SLIT2: variants seen among roughly 807,000 people sequenced by gnomAD.
The protein encoded by SLIT2 is slit guidance ligand 2, also known as slit homolog 2 protein.
Under a neutral mutation model 185.7 loss-of-function variants are expected in SLIT2, and 41 were observed. The ratio of observed to expected loss-of-function variants is 0.22; its 90% CI spans 0.17 to 0.29. SLIT2 has a LOEUF of 0.29. Among genes scored for constraint, SLIT2 ranks in the 10% least tolerant of loss-of-function variants. The pLI is 1.00. For synonymous variants in SLIT2, 693 were observed against 680.2 expected (o/e 1.02, Z -0.29); for missense variants, 1,571 against 1,909.0 (o/e 0.82, Z 3.30).
At chr4:20,519,009 A>G (rs1720572629) in intron 11 of SLIT2, among the ~76,000 whole-genome samples, 1 of 152,068 alleles carries the variant, frequency 6.6e-6, no homozygotes, top group Non-Finnish European at 1.5e-5. Context: ...ACTCTTCTAT[A>G]CTTGATTCTA....
Position 20,253,724 on chromosome 4 carries a change from G to C in SLIT2, c.-92G>C. On this transcript the variant is annotated 5_prime_UTR_variant, in exon 1 of 37. Transcript: ENST00000504154. ...GGCACTCTGGGTTGCTAGCCCCGCC[G>C]GGCACTGGGCCTCAGACACTGCGCG... The C allele has an allele frequency of 1.4e-6, 2 of 1,469,884 alleles. No individual in the cohort carries two copies. The highest frequency in any genetic ancestry group is 2.4e-4 in the Middle Eastern group (1 of 4,106). 91.1% of individuals were successfully genotyped at this position (1,469,884 alleles called of 1,614,324 possible).
chr4:20,309,932 TG>T (rs1717935611), intron 4 of SLIT2, among the ~76,000 whole-genome samples: 5 of 152,034 alleles, frequency 3.3e-5, no homozygotes, highest in Admixed American at 2.6e-4. Flanking sequence ...GCTAATTTTT[TG>T]TATTTTTTTA....
At chr4:20,589,772 G>A (rs765127814) in intron 30 of SLIT2, 35 bp downstream of exon 30, 3 of 1,499,750 alleles carry the variant, frequency 2.0e-6, no homozygotes, top group Non-Finnish European at 2.8e-6. Flanking sequence ...TCACAGTCAG[G>A]GTAGGGGACC....
At chr4:20,614,728 G>A (rs1421377558) in intron 34 of SLIT2, 1 of 151,510 alleles carries the variant, frequency 6.6e-6, no homozygotes, top group Non-Finnish European at 1.5e-5. Context: ...AGTGAGCCAA[G>A]GCTGCGTTCA....
intron 9 of SLIT2, among the ~76,000 whole-genome samples, chr4:20,503,552 G>A (rs1000897204): frequency 2.0e-5 from 2 of 97,764 alleles, no homozygotes; most frequent in Non-Finnish European, 4.5e-5. Context: ...TGGGCCATGT[G>A]CCTAAGCCCA....
At chr4:20,269,189 A>G (rs1713343544) in intron 4 of SLIT2, among the ~76,000 whole-genome samples, 1 of 151,856 alleles carries the variant, frequency 6.6e-6, no homozygotes, top group Non-Finnish European at 1.5e-5. Flanking sequence ...TTCTGAAGGG[A>G]GAAAATTGCT....
intron 4 of SLIT2, among the ~76,000 whole-genome samples, chr4:20,286,885 C>G (rs745747586): frequency 6.6e-6 from 1 of 152,138 alleles, no homozygotes; most frequent in Non-Finnish European, 1.5e-5. Flanking sequence ...TTTAATAAAA[C>G]ATTTTTCCAC....
At chr4:20,519,530 A>T in intron 12 of SLIT2, 77 bp downstream of exon 12, 8 of 845,820 alleles carry the variant, frequency 9.5e-6, no homozygotes, top group East Asian at 2.5e-5. Flanking sequence ...ATTTTTATGG[A>T]GGCCTTGGAA....
chr4:20,288,030 A>G (rs568255014), intron 4 of SLIT2, among the ~76,000 whole-genome samples: 41 of 152,102 alleles, frequency 2.7e-4, no homozygotes, highest in Non-Finnish European at 5.1e-4. Context: ...TGATTTTTAA[A>G]CAGCCTATAT....
At chr4:20,541,308 A>C (rs376106885) in intron 19 of SLIT2, 145 bp from the exon 20 acceptor site, 4 of 659,602 alleles carry the variant, frequency 6.1e-6, no homozygotes. Flanking sequence ...ACTGCATGTG[A>C]TTCTGAGTAA....
At chr4:20,402,166 G>A (rs1032162410) in intron 4 of SLIT2, among the ~76,000 whole-genome samples, 7 of 151,672 alleles carry the variant, frequency 4.6e-5, no homozygotes, top group East Asian at 1.9e-4. Context: ...GCATGAATAC[G>A]TACCATGCTA....
intron 11 of SLIT2, 121 bp from the exon 12 acceptor site, chr4:20,519,261 A>G (rs1334060161): frequency 9.1e-6 from 6 of 657,220 alleles, no homozygotes; most frequent in East Asian, 2.7e-5. Flanking sequence ...TTACTCAGCT[A>G]TAACTTTTAT....
At chr4:20,472,547 T>G (rs56193445) in intron 5 of SLIT2, among the ~76,000 whole-genome samples, 103 of 8,070 alleles carry the variant, frequency 0.013, no homozygotes, top group South Asian at 0.023. Flanking sequence ...TATCTATATC[T>G]ATATATAGAT....
intron 4 of SLIT2, among the ~76,000 whole-genome samples, chr4:20,270,974 ATAAT>A (rs77184246): frequency 0.037 from 5,611 of 152,030 alleles, 261 homozygotes; most frequent in East Asian, 0.1. Context: ...TATGATGGTG[ATAAT>A]TAATTAAATT....
intron 3 of SLIT2, among the ~76,000 whole-genome samples, chr4:20,258,426 TGTTATTGTTAATAATTAC>T (rs1712089977): frequency 6.6e-6 from 1 of 151,814 alleles, no homozygotes; most frequent in Admixed American, 6.6e-5. Context: ...TGGTGAACAT[TGTTATTGTTAATAATTAC>T]TTTTCAGTTT....
At chr4:20,573,057 C>T (rs1316759471) in intron 29 of SLIT2, among the ~76,000 whole-genome samples, 6 of 152,158 alleles carry the variant, frequency 3.9e-5, no homozygotes, top group South Asian at 2.1e-4. Flanking sequence ...CCTTTTGCCT[C>T]ATTTTCTCCA....
At chr4:20,433,454 A>T (rs188882909) in intron 4 of SLIT2, among the ~76,000 whole-genome samples, 1 of 152,332 alleles carries the variant, frequency 6.6e-6, no homozygotes, top group African/African-American at 2.4e-5. Flanking sequence ...GTGTGTTTAT[A>T]TTCCTGTCTC....
chr4:20,352,864 G>C (rs1722000798), intron 4 of SLIT2, among the ~76,000 whole-genome samples: 1 of 152,188 alleles, frequency 6.6e-6, no homozygotes, highest in Non-Finnish European at 1.5e-5. Context: ...CATGAGCCGA[G>C]AGTGCGTCAC....
intron 4 of SLIT2, among the ~76,000 whole-genome samples, chr4:20,398,587 T>C (rs942540419): frequency 6.6e-6 from 1 of 151,766 alleles, no homozygotes; most frequent in African/African-American, 2.4e-5. Context: ...GGTTTCTTCT[T>C]GGCACTTTCC....
Sources: allele counts gnomAD v4.1 joint callset (sites outside exome capture counted in the v4.1 genomes callset), GRCh38; gene constraint gnomAD v4.1.1; transcripts MANE v1.5; gene names NCBI Gene and HGNC (gene_info 2026-07-23, HGNC 2026-07-21).